Variants in ROBO2 observed in about 807,000 individuals in gnomAD.
ROBO2 encodes the protein roundabout guidance receptor 2.
Under a neutral mutation model 160.8 loss-of-function variants are expected in ROBO2, and 53 were observed. The observed-to-expected ratio is 0.33, with a 90% CI of 0.26 to 0.41. The LOEUF is 0.41. Among genes scored for constraint, ROBO2 ranks in the 10% least tolerant of loss-of-function variants. The pLI is 1.00. For missense variants in ROBO2, 1,577 were observed against 1,722.4 expected (o/e 0.92, Z 1.49); for synonymous variants, 664 against 611.7 (o/e 1.09, Z -1.26).
intron 2 of ROBO2, among the ~76,000 whole-genome samples, chr3:76,752,652 A>T (rs1052883202): frequency 6.6e-6 from 1 of 151,808 alleles, no homozygotes; most frequent in African/African-American, 2.4e-5. Flanking sequence ...GTCCCATAAG[A>T]TCTTCATAGG....
At chr3:76,285,300 A>G (rs945070455) in intron 2 of ROBO2, among the ~76,000 whole-genome samples, 1 of 152,070 alleles carries the variant, frequency 6.6e-6, no homozygotes, top group African/African-American at 2.4e-5. Context: ...TTTTATTGCA[A>G]ACAACTAGTT....
At chr3:75,940,938 A>C (rs1170283405) in intron 2 of ROBO2, among the ~76,000 whole-genome samples, 2 of 152,040 alleles carry the variant, frequency 1.3e-5, no homozygotes, top group East Asian at 3.9e-4. Flanking sequence ...CAGAACCAAG[A>C]ACTTATTTCT....
chr3:76,335,004 AT>A (rs1207572766), intron 2 of ROBO2, among the ~76,000 whole-genome samples: 3 of 151,268 alleles, frequency 2.0e-5, no homozygotes, highest in African/African-American at 4.9e-5. Context: ...TTTTTCATCT[AT>A]TTTTTTTCTG....
chr3:76,204,427 A>C (rs1396993878), intron 2 of ROBO2, among the ~76,000 whole-genome samples: 5 of 152,196 alleles, frequency 3.3e-5, no homozygotes, highest in African/African-American at 7.2e-5. Context: ...TATTTCACAA[A>C]ATAGTATGAT....
intron 2 of ROBO2, among the ~76,000 whole-genome samples, chr3:76,238,448 A>T (rs1705084250): frequency 6.6e-6 from 1 of 152,180 alleles, no homozygotes. Context: ...CACCTCCATG[A>T]TCTAACCACC....
intron 2 of ROBO2, among the ~76,000 whole-genome samples, chr3:76,838,283 T>A (rs965604144): frequency 4.6e-5 from 7 of 152,202 alleles, no homozygotes; most frequent in Admixed American, 6.5e-5. Context: ...CATTGGGTAT[T>A]GGCCTTAATT....
In ROBO2 at chr3:77,086,999, C is replaced by G. The variant is rs77933538; in HGVS notation, c.62-11015C>G. On this transcript the variant is annotated intron_variant, in intron 1 of 25. Coordinates refer to ENST00000461745, the Ensembl canonical transcript of ROBO2. Reference sequence around the variant, plus strand: ...TAACTAAGTATTTAACAAAGCTTAGCACACACATGCATAAAATATCATTGC... The same window carrying G: ...TAACTAAGTATTTAACAAAGCTTAGGACACACATGCATAAAATATCATTGC... Among the ~76,000 whole-genome samples the G allele has an allele frequency of 5.1e-4, 78 of 152,218 alleles. 2 individuals are homozygous for G. The East Asian group carries it at 0.015, about 29-fold the overall frequency.
intron 2 of ROBO2, among the ~76,000 whole-genome samples, chr3:77,291,596 G>A (rs1424476615): frequency 7.6e-6 from 1 of 132,108 alleles, no homozygotes; most frequent in East Asian, 2.5e-4. Flanking sequence ...GGCTAGAGCA[G>A]TAAAGACATA....
In ROBO2 at chr3:77,015,056, C is replaced by T. The variant is rs563865323; in HGVS notation, c.110-82958C>T. Among the ~76,000 whole-genome samples the T allele has an allele frequency of 4.4e-4, 66 of 151,548 alleles. 1 individual carries two copies. The highest frequency in any genetic ancestry group is 4.0e-3 in the South Asian group (19 of 4,786). On this transcript the variant is annotated intron_variant, in intron 2 of 26. Transcript: ENST00000487694. ...TCAACTTGTAAAAAAAAAAAGTACA[C>T]ATTTAAGAACAAAAAAAGGAAAACA... is the stretch of plus-strand genomic sequence containing the variant.
intron 1 of ROBO2, among the ~76,000 whole-genome samples, chr3:77,041,257 C>T (rs796337631): frequency 2.0e-5 from 3 of 152,328 alleles, no homozygotes; most frequent in African/African-American, 7.2e-5. Flanking sequence ...CAGTAATAGA[C>T]ACTCTAAGGA....
At chr3:76,706,703 A>G (rs1560415003) in intron 2 of ROBO2, among the ~76,000 whole-genome samples, 1 of 152,142 alleles carries the variant, frequency 6.6e-6, no homozygotes, top group African/African-American at 2.4e-5. Flanking sequence ...ATTGTAGAAT[A>G]TTTCCAAGGA....
intron 2 of ROBO2, among the ~76,000 whole-genome samples, chr3:77,116,955 A>G (rs569721625): frequency 6.6e-6 from 1 of 152,206 alleles, no homozygotes; most frequent in East Asian, 1.9e-4. Flanking sequence ...TTCTTCAACA[A>G]TAACATGCTC....
intron 23 of ROBO2, chr3:77,629,356 A>T (rs1454421567): frequency 1.3e-5 from 2 of 152,280 alleles, no homozygotes; most frequent in African/African-American, 4.8e-5. Context: ...ATAGGTTCAG[A>T]GACTAAATGT....
At chr3:76,262,005 G>A (rs749385111) in intron 2 of ROBO2, among the ~76,000 whole-genome samples, 1 of 152,044 alleles carries the variant, frequency 6.6e-6, no homozygotes, top group Non-Finnish European at 1.5e-5. Flanking sequence ...TTATTTAATT[G>A]TCTTTATGCA....
chr3:77,016,539 A>C (rs1200986377), intron 2 of ROBO2, among the ~76,000 whole-genome samples: 2 of 152,212 alleles, frequency 1.3e-5, no homozygotes, highest in Non-Finnish European at 2.9e-5. Flanking sequence ...AGCAATAGTT[A>C]CCAGTTCAGT....
intron 2 of ROBO2, among the ~76,000 whole-genome samples, chr3:77,269,657 G>A (rs1177895285): frequency 3.3e-5 from 5 of 152,128 alleles, no homozygotes; most frequent in African/African-American, 1.2e-4. Context: ...GAACCAACAT[G>A]TTAAAGCATA....
chr3:76,158,147 A>G (rs1189243159), intron 2 of ROBO2, among the ~76,000 whole-genome samples: 1 of 152,130 alleles, frequency 6.6e-6, no homozygotes, highest in African/African-American at 2.4e-5. Flanking sequence ...GGACTACAGC[A>G]GAAGTATTCC....
chr3:76,195,847 T>C (rs1451202083), intron 2 of ROBO2, among the ~76,000 whole-genome samples: 1 of 152,172 alleles, frequency 6.6e-6, no homozygotes, highest in Non-Finnish European at 1.5e-5. Context: ...GCAATTCAAG[T>C]TGTGCATTGC....
chr3:76,303,341 T>TTGTG (rs756361457), intron 2 of ROBO2, among the ~76,000 whole-genome samples: 1 of 151,008 alleles, frequency 6.6e-6, no homozygotes, highest in Non-Finnish European at 1.5e-5. Context: ...TAAACTTTAA[T>TTGTG]TGTGTGTGTG....
Sources: gnomAD v4.1 joint callset for allele counts (sites outside exome capture counted in the v4.1 genomes callset) on GRCh38, gnomAD v4.1.1 for gene constraint, MANE v1.5 for transcripts, NCBI Gene and HGNC (gene_info 2026-07-23, HGNC 2026-07-21) for gene names.